The following NDST2 variants were observed in gnomAD, a reference collection of about 807,000 sequenced individuals.
NDST2 encodes the protein bifunctional heparan sulfate N-deacetylase/N-sulfotransferase 2.
Under a neutral mutation model 86.9 loss-of-function variants are expected in NDST2, and 32 were observed. The ratio of observed to expected loss-of-function variants is 0.37; its 90% CI spans 0.28 to 0.49. The LOEUF (loss-of-function observed/expected upper bound fraction) is 0.49, where lower values mean the gene tolerates loss of function less well. NDST2 is among the 20% of genes least tolerant of loss of function. The pLI is 0.97. For missense variants in NDST2, 950 were observed against 1,146.9 expected, an observed-to-expected ratio of 0.83 and a Z score of 2.48; for synonymous variants, 409 against 437.0, an observed-to-expected ratio of 0.94 and a Z score of 0.80.
chr10:73,810,535 G>C (rs1414451801), intron 2 of NDST2: 1 of 326,536 alleles, frequency 3.1e-6, no homozygotes, highest in East Asian at 4.7e-5. Context: ...AGACAGCTGG[G>C]GGAGAGGATC....
In NDST2 at chr10:73,808,875, C is replaced by G. The variant is rs1229217227; in HGVS notation, c.-341-146G>C. 1 of 156,952 alleles carries G rather than the reference C, an allele frequency of 6.4e-6. No individual in the cohort carries two copies. The highest frequency in any genetic ancestry group is 1.4e-5 in the Non-Finnish European group (1 of 71,002). The allele number at this position is 156,952 out of a possible 1,614,324, so 9.7% of individuals were successfully genotyped here. ...AAAAAAAAGTTTCCTCTAGGAGAAT[C>G]TACAAGCTGAGTCCTATACCTTAGC... On this transcript the variant is annotated intron_variant, in intron 2 of 14. Coordinates refer to ENST00000309979, the MANE Select transcript of NDST2 (RefSeq NM_003635.4). The surrounding 1 kb of genome is among the most constrained non-coding windows in gnomAD (Gnocchi z 4.3).
At position 73,802,210 on chromosome 10, in the gene NDST2, C is replaced by T. The variant is rs1410008639; in HGVS notation, c.*241G>A. On this transcript the variant is annotated 3_prime_UTR_variant, in exon 15 of 15. Transcript: ENST00000309979. The stretch of plus-strand genomic sequence containing the variant: ...GCCTGGACCCTCTCATTCCTCCCCA[C>T]CTCCCAAGATGATGGGTCAAAGGTA... 1.7e-5 allele frequency: 10 copies of T among 585,270 alleles called. No homozygotes were observed. The highest frequency in any genetic ancestry group is 2.8e-5 in the East Asian group (1 of 35,092). The allele number at this position is 585,270 out of a possible 1,614,324, so 36.3% of individuals were successfully genotyped here.
chr10:73,809,150 A>G (rs1034231491), intron 2 of NDST2: 1 of 152,244 alleles, frequency 6.6e-6, no homozygotes, highest in African/African-American at 2.4e-5. Context: ...AAAGCCCCGG[A>G]AGTCTTCAGA....
Position 73,806,252 on chromosome 10 carries a change from TAG to T in NDST2, c.1434+35_1434+36del. On this transcript the variant is annotated intron_variant, in intron 6 of 14. Coordinates refer to ENST00000309979, the MANE Select transcript of NDST2 (RefSeq NM_003635.4). The surrounding 1 kb of genome is among the most constrained non-coding windows in gnomAD (Gnocchi z 4.5). ...TGCATGTTGAAAGCTGTCTAAATGT[TAG>T]AGTTTGATTCAAGCCTGTATTGGGA... 6.2e-7 allele frequency: 1 copy of T among 1,610,618 alleles called. No homozygotes were observed. The highest frequency in any genetic ancestry group is 8.5e-7 in the Non-Finnish European group (1 of 1,178,034).
At position 73,807,662 on chromosome 10, in the gene NDST2, C is replaced by T. The variant is rs1274921065; in HGVS notation, c.727G>A (p.Ala243Thr). The change falls in exon 3 of 15, where the codon GCC (alanine) becomes ACC (threonine). Residue 243 changes from alanine (A) to threonine (T), a missense_variant. Physicochemically the swap from Ala to Thr is moderately conservative, Grantham distance 58. Coordinates refer to ENST00000309979, the MANE Select transcript of NDST2 (RefSeq NM_003635.4). The stretch of plus-strand genomic sequence containing the variant: ...GCGGGCTCAGCTGGCCGAAGGCTGG[C>T]AAGAAGCACTGGTTCATATGTACTA... ...NHSTYEPVLL[A>T]SLRPAEPAVP... The T allele has an allele frequency of 8.7e-6, 14 of 1,614,212 alleles. No homozygotes were observed. The highest frequency in any genetic ancestry group is 1.2e-5 in the Non-Finnish European group (14 of 1,180,040).
At chr10:73,803,821 G>A (rs1565096260) in intron 10 of NDST2, 72 bp downstream of exon 10, 1 of 1,613,640 alleles carries the variant, frequency 6.2e-7, no homozygotes, top group South Asian at 1.1e-5. Flanking sequence ...TGTGCTGAGG[G>A]AAGCTGGAAT....
In NDST2 at chr10:73,808,140, A is replaced by T. The variant is rs376999882; in HGVS notation, c.249T>A (p.Thr83=). ...RPPRPPETAR[T]EPVVLVFVES... is the part of the protein sequence containing the mutation. The stretch of plus-strand genomic sequence containing the variant: ...CCACAAACACAAGGACCACGGGTTC[A>T]GTTCGAGCTGTCTCTGGAGGCCTGG... Residue 83 remains threonine (T), a synonymous_variant, in exon 3 of 15, where the codon ACT becomes ACA. Transcript: ENST00000309979. This position sits in a 1 kb window ranked among gnomAD's most constrained non-coding sequence, Gnocchi z 4.3. The T allele has an allele frequency of 1.5e-5, 25 of 1,614,142 alleles. No homozygotes were observed. The Middle Eastern group carries it at 9.9e-4, about 64-fold the overall frequency.
At chr10:73,804,650 AT>A in intron 9 of NDST2, 122 bp downstream of exon 9, 1 of 499,642 alleles carries the variant, frequency 2.0e-6, no homozygotes, top group South Asian at 3.6e-5. Context: ...AAAAAAAAAA[AT>A]TATTAAAATT....
rs144703928 is a variant in NDST2, at chr10:73,802,699, C to T, written c.2501G>A (p.Arg834Gln). 1.3e-3 allele frequency: 2,135 copies of T among 1,613,856 alleles called. 1 individual carries two copies. The highest frequency in any genetic ancestry group is 1.7e-3 in the Non-Finnish European group (1,965 of 1,179,864). Reference sequence around the variant, plus strand: ...CTCAGTGTCCATATCTGGATACCTCCGGCCTTTGCTCCGGCCTAGACAGCG... The same window carrying T: ...CTCAGTGTCCATATCTGGATACCTCTGGCCTTTGCTCCGGCCTAGACAGCG... ...KTRCLGRSKG[R>Q]RYPDMDTESR... is the part of the protein sequence containing the mutation. The change falls in exon 14 of 15, where the codon CGG becomes CAG. Residue 834 changes from arginine to glutamine, a missense_variant. Arg to Gln is a conservative substitution (Grantham distance 43). This residue lies in a region of NDST2 where 303 missense variants were observed against 323.7 expected (regional missense o/e 0.94). Coordinates refer to ENST00000309979, the MANE Select transcript of NDST2 (RefSeq NM_003635.4).
intron 2 of NDST2, chr10:73,809,001 T>C (rs1035227203): frequency 6.6e-6 from 1 of 152,326 alleles, no homozygotes; most frequent in Non-Finnish European, 1.5e-5. Context: ...ATGCAAATGA[T>C]AGGAACAAAT....
In NDST2 at chr10:73,806,502, A is replaced by G; in HGVS notation, c.1249-28T>C. 2.6e-6 allele frequency: 4 copies of G among 1,560,734 alleles called. No homozygotes were observed. Among genetic ancestry groups the G allele is most frequent in the Non-Finnish European group, 3.5e-6 (4 of 1,150,024 alleles). ...GGGAATGGCATAGACTCTCACCAGG[A>G]CCTGGTGAGGTTTGGGGAGTAGAGG... is the stretch of plus-strand genomic sequence containing the variant. On this transcript the variant is annotated intron_variant, in intron 5 of 14. Transcript: ENST00000309979. This position sits in a 1 kb window ranked among gnomAD's most constrained non-coding sequence, Gnocchi z 4.5.
At position 73,804,883 on chromosome 10, in the gene NDST2, C is replaced by A; in HGVS notation, c.1747-14G>T. On this transcript the variant is annotated splice_polypyrimidine_tract_variant and intron_variant, in intron 8 of 14. Coordinates refer to ENST00000309979, the MANE Select transcript of NDST2 (RefSeq NM_003635.4). ...ATCACAGGGATTCTGAAGCCAGGGCCAATAATCAGATAAGGCCTATTTTTT... is the reference window on the plus strand; with the variant it reads ...ATCACAGGGATTCTGAAGCCAGGGCAAATAATCAGATAAGGCCTATTTTTT... The A allele has an allele frequency of 1.3e-6, 2 of 1,511,054 alleles. No homozygotes were observed. The highest frequency in any genetic ancestry group is 1.8e-6 in the Non-Finnish European group (2 of 1,098,540). 93.6% of individuals were successfully genotyped at this position (1,511,054 alleles called of 1,614,324 possible).
rs752357955 is a variant in NDST2 at position 73,803,225 on chromosome 10, A to G, written c.2277T>C (p.His759=). Residue 759 remains histidine, a synonymous_variant, in exon 12 of 15, where the codon CAT becomes CAC. Transcript: ENST00000309979. The part of the protein sequence containing the change: ...RCLVPGYYST[H]LQRWLTYYPS... ...GGTAGTAAGTCAGCCAGCGTTGTAG[A>G]TGGGTAGAATAGTAGCCAGGGACAA... The G allele has an allele frequency of 1.2e-5, 19 of 1,614,206 alleles. No homozygotes were observed. The highest frequency in any genetic ancestry group is 1.6e-5 in the Non-Finnish European group (19 of 1,180,038).
At position 73,805,691 on chromosome 10, in the gene NDST2, A is replaced by G; in HGVS notation, c.1642T>C (p.Phe548Leu). The change falls in exon 8 of 15, where the codon TTC becomes CTC. Residue 548 changes from phenylalanine to leucine, a missense_variant. Around this residue, in one of 5 missense-constraint regions of NDST2, gnomAD observed 586 missense variants for 714.0 expected, o/e 0.82. Coordinates refer to ENST00000309979, the MANE Select transcript of NDST2 (RefSeq NM_003635.4). ...CGCAGCCGTGTCCAACACTGGAGGA[A>G]GCGCACCAAGCTCTCAAAGGTGTAT... ...GLYTFESLVR[F>L]LQCWTRLRLQ... 6.2e-7 allele frequency: 1 copy of G among 1,614,190 alleles called. No homozygotes were observed. Among genetic ancestry groups the G allele is most frequent in the Non-Finnish European group, 8.5e-7 (1 of 1,180,036 alleles).
upstream of NDST2, chr10:73,811,813 A>T (rs903658744): frequency 1.3e-5 from 2 of 151,952 alleles, no homozygotes; most frequent in Non-Finnish European, 2.9e-5. Flanking sequence ...TCTCCGCGCG[A>T]TGGCACTGCC....
intron 1 of NDST2, among the ~76,000 whole-genome samples, chr10:73,811,207 G>A (rs917231452): frequency 6.6e-6 from 1 of 152,166 alleles, no homozygotes; most frequent in South Asian, 2.1e-4. Flanking sequence ...CAAAGGGGAA[G>A]GGGCCACAGG....
chr10:73,808,693 A>G lies in NDST2; in HGVS notation c.-305T>C. Reference sequence around the variant, plus strand: ...CCTTGGCCCTGGCTGAGCGCCTCACATCAAAGGTCAGCAAAGTTCAATCTC... The same window carrying G: ...CCTTGGCCCTGGCTGAGCGCCTCACGTCAAAGGTCAGCAAAGTTCAATCTC... On this transcript the variant is annotated 5_prime_UTR_variant, in exon 3 of 15. The change abolishes an upstream ATG in the 5' untranslated region. Coordinates refer to ENST00000309979, the MANE Select transcript of NDST2 (RefSeq NM_003635.4). This position sits in a 1 kb window ranked among gnomAD's most constrained non-coding sequence, Gnocchi z 4.3. The G allele has an allele frequency of 3.0e-6, 1 of 336,848 alleles. No individual in the cohort carries two copies. Among genetic ancestry groups the G allele is most frequent in the Non-Finnish European group, 5.5e-6 (1 of 183,460 alleles). The allele number at this position is 336,848 out of a possible 1,614,324, so 20.9% of individuals were successfully genotyped here. A position where few individuals can be genotyped will look rare whatever the true frequency, so the allele number is the denominator to read the frequency against.
chr10:73,810,101 C>T (rs2084170273), intron 2 of NDST2, among the ~76,000 whole-genome samples: 1 of 152,162 alleles, frequency 6.6e-6, no homozygotes, highest in African/African-American at 2.4e-5. Flanking sequence ...CACCCACCCC[C>T]AAACACACAT....
rs781246761 is a variant in NDST2, at chr10:73,803,880, G to T, written c.1967+13C>A. On this transcript the variant is annotated intron_variant, in intron 10 of 14. Coordinates refer to ENST00000309979, the MANE Select transcript of NDST2 (RefSeq NM_003635.4). ...GTTCCTCTGAGAAACATTCAAATGG[G>T]GCCCAGTCTCACCAGTCAATACCCT... The T allele has an allele frequency of 1.5e-5, 24 of 1,614,082 alleles. No homozygotes were observed. The highest frequency in any genetic ancestry group is 1.9e-5 in the Non-Finnish European group (23 of 1,179,998).
Sources: allele counts gnomAD v4.1 joint callset (sites outside exome capture counted in the v4.1 genomes callset), GRCh38; gene constraint gnomAD v4.1.1; regional missense constraint gnomAD v4.1.1; non-coding constraint Gnocchi (gnomAD v3.1); transcripts MANE v1.5; gene names NCBI Gene and HGNC (gene_info 2026-07-23, HGNC 2026-07-21).